The following DENND1A variants were observed in gnomAD, a reference collection of about 807,000 sequenced individuals.
The protein encoded by DENND1A is DENN domain-containing protein 1A.
In DENND1A, 51 loss-of-function variants were observed where a neutral mutation model predicts 113.7. The ratio of observed to expected loss-of-function variants is 0.45; its 90% CI spans 0.36 to 0.57. The LOEUF (loss-of-function observed/expected upper bound fraction) is 0.57. Among genes scored for constraint, DENND1A ranks in the 20% least tolerant of loss-of-function variants. The pLI is 0.00. For synonymous variants in DENND1A, 565 were observed against 570.8 expected (o/e 0.99, Z 0.14); for missense variants, 1,258 against 1,395.9 (o/e 0.90, Z 1.57).
intron 5 of DENND1A, among the ~76,000 whole-genome samples, chr9:123,703,686 G>A (rs2066012656): frequency 6.6e-6 from 1 of 152,028 alleles, no homozygotes; most frequent in Non-Finnish European, 1.5e-5. Flanking sequence ...ATGCTACGCT[G>A]AGCAAAAGAA....
chr9:123,383,214 C>T (rs560063755), intron 23 of DENND1A, among the ~76,000 whole-genome samples: 17 of 152,328 alleles, frequency 1.1e-4, no homozygotes, highest in South Asian at 4.1e-4. Flanking sequence ...AGGCACCGAG[C>T]GGGGATGTGA....
chr9:123,755,120 G>A (rs2070406921), intron 5 of DENND1A, among the ~76,000 whole-genome samples: 1 of 140,606 alleles, frequency 7.1e-6, no homozygotes, highest in South Asian at 2.2e-4. Flanking sequence ...GTTATACACA[G>A]ATTTTTTTTT....
chr9:123,557,701 G>A lies in DENND1A; in HGVS notation c.868-6C>T, dbSNP rs762144577. On this transcript the variant is annotated splice_region_variant and splice_polypyrimidine_tract_variant and intron_variant, in intron 12 of 23. Coordinates refer to ENST00000394215, the MANE Select transcript of DENND1A (RefSeq NM_001352964.2). ...CTGTTCTTCAGGGAAGAGATCTGGT[G>A]ATGGAGAGAAGGAAAACACAGGTTG... is the stretch of plus-strand genomic sequence containing the variant. 7.4e-6 allele frequency: 12 copies of A among 1,613,584 alleles called. No individual in the cohort carries two copies. The highest frequency in any genetic ancestry group is 1.7e-5 in the Admixed American group (1 of 59,966).
Position 123,636,802 on chromosome 9 carries a change from C to A in DENND1A, c.619-6326G>T, listed in dbSNP as rs150566624. Among the ~76,000 whole-genome samples, 566 of 148,606 alleles carry A rather than the reference C, an allele frequency of 3.8e-3. 4 individuals carry two copies. Among genetic ancestry groups the A allele is most frequent in the African/African-American group, 0.013 (536 of 40,238 alleles). ...CACAACCTCTGCCTGCCAGGTTCAA[C>A]TCTCCTGCCTCAGCCTCCCGAGTCG... On this transcript the variant is annotated intron_variant, in intron 9 of 23. Transcript: ENST00000394215.
chr9:123,502,323 C>T (rs1266512255), intron 13 of DENND1A, among the ~76,000 whole-genome samples: 2 of 149,210 alleles, frequency 1.3e-5, no homozygotes, highest in Non-Finnish European at 3.0e-5. Flanking sequence ...AACCCTAATA[C>T]AGGTTCTAAT....
At chr9:123,842,538 C>A (rs1265783804) in intron 2 of DENND1A, among the ~76,000 whole-genome samples, 1 of 151,026 alleles carries the variant, frequency 6.6e-6, no homozygotes, top group Non-Finnish European at 1.5e-5. Context: ...ATGAAATGGA[C>A]AAATCTCTAG....
intron 18 of DENND1A, among the ~76,000 whole-genome samples, chr9:123,448,595 A>G (rs905117249): frequency 2.0e-5 from 3 of 152,152 alleles, no homozygotes; most frequent in Non-Finnish European, 4.4e-5. Flanking sequence ...TGCAACTGGG[A>G]TGGGAGATAA....
chr9:123,452,516 A>G (rs1012310445), intron 16 of DENND1A, among the ~76,000 whole-genome samples, 169 bp from the exon 17 acceptor site: 1 of 151,896 alleles, frequency 6.6e-6, no homozygotes, highest in Non-Finnish European at 1.5e-5. Flanking sequence ...TATGGTCATG[A>G]CAGAAGGACT....
In DENND1A at chr9:123,401,602, C is replaced by T; in HGVS notation, c.1631+1800G>A. ...CACCAAACTGGCTCCCATGCTCCCACTGGTTTATTTCAACCCCAAATATTT... is the reference window on the plus strand; with the variant it reads ...CACCAAACTGGCTCCCATGCTCCCATTGGTTTATTTCAACCCCAAATATTT... On this transcript the variant is annotated intron_variant, in intron 21 of 23. Transcript: ENST00000394215. The T allele has an allele frequency of 2.1e-6, 3 of 1,421,184 alleles. 1 individual carries two copies. In the South Asian group the frequency reaches 4.6e-5, roughly 22 times the overall value. The allele number at this position is 1,421,184 out of a possible 1,614,324, so 88.0% of individuals were successfully genotyped here.
In DENND1A at chr9:123,851,992, A is replaced by G. The variant is rs1843442813; in HGVS notation, c.88+26959T>C. Among the ~76,000 whole-genome samples, 3 of 152,322 alleles carry G rather than the reference A, an allele frequency of 2.0e-5. No individual in the cohort carries two copies. In the South Asian group the frequency reaches 6.2e-4, roughly 32 times the overall value. On this transcript the variant is annotated intron_variant, in intron 2 of 23. Transcript: ENST00000394215. ...CAGGCTAGAGCAGGACTGAGTCTCCATCAGGAAACTTCCAACATTTGCCCA... is the reference window on the plus strand; with the variant it reads ...CAGGCTAGAGCAGGACTGAGTCTCCGTCAGGAAACTTCCAACATTTGCCCA...
intron 12 of DENND1A, among the ~76,000 whole-genome samples, chr9:123,561,329 TG>T (rs2057743638): frequency 6.6e-6 from 1 of 152,162 alleles, no homozygotes. Context: ...TGTCCCTTCC[TG>T]CCTGCCCCAG....
chr9:123,876,487 C>T (rs2133509410), intron 2 of DENND1A, among the ~76,000 whole-genome samples: 1 of 152,134 alleles, frequency 6.6e-6, no homozygotes, highest in Non-Finnish European at 1.5e-5. Flanking sequence ...CCTGGATATG[C>T]AGGGGTGAAG....
chr9:123,688,503 A>G (rs1382035666), intron 5 of DENND1A, among the ~76,000 whole-genome samples: 1 of 152,206 alleles, frequency 6.6e-6, no homozygotes. Flanking sequence ...GCGAGAAGTC[A>G]TCATGGCATT....
chr9:123,603,139 C>T (rs1428299469), intron 11 of DENND1A, among the ~76,000 whole-genome samples: 1 of 151,944 alleles, frequency 6.6e-6, no homozygotes, highest in East Asian at 1.9e-4. Context: ...CTTCTTTACT[C>T]TGTTAAAAAA....
chr9:123,902,785 C>T (rs1588156455), intron 1 of DENND1A, among the ~76,000 whole-genome samples: 1 of 139,650 alleles, frequency 7.2e-6, no homozygotes, highest in Admixed American at 7.2e-5. Flanking sequence ...AAGAGGAGAA[C>T]AAGACAAGTA....
At chr9:123,452,753 T>C (rs1023693246) in intron 16 of DENND1A, among the ~76,000 whole-genome samples, 2 of 152,096 alleles carry the variant, frequency 1.3e-5, no homozygotes, top group Admixed American at 6.6e-5. Context: ...GTGGACTCCA[T>C]AGCTGACACC....
At chr9:123,862,907 T>A (rs190431965) in intron 2 of DENND1A, among the ~76,000 whole-genome samples, 1 of 152,232 alleles carries the variant, frequency 6.6e-6, no homozygotes. Flanking sequence ...TGGTCAACAT[T>A]AAGATCTTGC....
At chr9:123,625,267 G>A (rs902525323) in intron 10 of DENND1A, among the ~76,000 whole-genome samples, 1 of 152,294 alleles carries the variant, frequency 6.6e-6, no homozygotes, top group Non-Finnish European at 1.5e-5. Context: ...TGCCTTGCAG[G>A]GTTGTTGGAA....
intron 13 of DENND1A, among the ~76,000 whole-genome samples, chr9:123,557,306 T>C (rs1326261527): frequency 6.6e-6 from 1 of 152,170 alleles, no homozygotes; most frequent in Non-Finnish European, 1.5e-5. Context: ...GCGCTGCATC[T>C]GACACGCGGT....
Sources: allele counts gnomAD v4.1 joint callset (sites outside exome capture counted in the v4.1 genomes callset), GRCh38; gene constraint gnomAD v4.1.1; transcripts MANE v1.5; gene names NCBI Gene and HGNC (gene_info 2026-07-23, HGNC 2026-07-21).